Variants in ADH1C observed in about 807,000 individuals in gnomAD.
ADH1C encodes the protein alcohol dehydrogenase 1C (class I), gamma polypeptide, also known as alcohol dehydrogenase 1C.
ADH1C carries 26 observed loss-of-function variants against 35.0 expected under a neutral mutation model. The observed-to-expected ratio is 0.74, with a 90% CI of 0.54 to 1.03. The LOEUF (loss-of-function observed/expected upper bound fraction) is 1.03, where lower values mean the gene tolerates loss of function less well. Ranked by LOEUF, ADH1C falls within the 50% of genes least tolerant of loss-of-function variation. The pLI is 0.00. For synonymous variants in ADH1C, 170 were observed against 169.3 expected (o/e 1.00, Z -0.03); for missense variants, 413 against 465.4 (o/e 0.89, Z 1.04).
In ADH1C at chr4:99,350,693, T is replaced by C. The variant is rs572397721; in HGVS notation, c.18+1965A>G. Reference sequence around the variant, plus strand: ...TTTTTGCAATTGCAAATTGTGCTGCTGTAAACAATATGAATTACTTTTAAA... The same window carrying C: ...TTTTTGCAATTGCAAATTGTGCTGCCGTAAACAATATGAATTACTTTTAAA... On this transcript the variant is annotated intron_variant, in intron 1 of 8. Transcript: ENST00000515683. Among the ~76,000 whole-genome samples the C allele has an allele frequency of 2.4e-4, 37 of 152,366 alleles. 1 individual carries two copies. In the South Asian group the frequency reaches 7.5e-3, roughly 31 times the overall value.
chr4:99,342,859 A>G lies in ADH1C; in HGVS notation c.764T>C (p.Leu255Pro). 6.2e-7 allele frequency: 1 copy of G among 1,614,012 alleles called. No individual in the cohort carries two copies. The highest frequency in any genetic ancestry group is 8.5e-7 in the Non-Finnish European group (1 of 1,179,906). ...QDYKKPIQEV[L>P]KEMTDGGVDF... is the part of the protein sequence containing the mutation. ...CACACCTCCATCAGTCATTTCCTTT[A>G]GCACTTCCTGAATGGGTTTCTTGTA... The change falls in exon 6 of 9, where the codon CTA (leucine) becomes CCA (proline). Residue 255 changes from leucine (L) to proline (P), a missense_variant. By Grantham distance (98) the Leu-to-Pro change is moderately conservative. Coordinates refer to ENST00000515683, the MANE Select transcript of ADH1C (RefSeq NM_000669.5).
rs1339902491 is a variant in ADH1C at position 99,345,088 on chromosome 4, A to G, written c.348-7T>C. 2 of 1,614,086 alleles carry G rather than the reference A, an allele frequency of 1.2e-6. No homozygotes were observed. Among genetic ancestry groups the G allele is most frequent in the South Asian group, 2.2e-5 (2 of 91,092 alleles). On this transcript the variant is annotated splice_region_variant and splice_polypyrimidine_tract_variant and intron_variant, in intron 4 of 8. Coordinates refer to ENST00000515683, the MANE Select transcript of ADH1C (RefSeq NM_000669.5). Reference sequence around the variant, plus strand: ...CCCCCGAGGATTGCCTAGACTGGGCAGTGCAATACAAAGACACACAAAGGC... The same window carrying G: ...CCCCCGAGGATTGCCTAGACTGGGCGGTGCAATACAAAGACACACAAAGGC...
chr4:99,351,543 T>C (rs958480953), intron 1 of ADH1C, among the ~76,000 whole-genome samples: 4 of 152,258 alleles, frequency 2.6e-5, no homozygotes, highest in African/African-American at 4.8e-5. Flanking sequence ...AAATGGTAAA[T>C]TTAAATTTTC....
Position 99,336,613 on chromosome 4 carries a change from T to C in ADH1C, c.*139A>G. On this transcript the variant is annotated 3_prime_UTR_variant, in exon 9 of 9. Coordinates refer to ENST00000515683, the MANE Select transcript of ADH1C (RefSeq NM_000669.5). ...CAAATAATTTCCCATCAATTTCCAT[T>C]TCTTTGGAAAGCTCCCACGTGTAAT... is the stretch of plus-strand genomic sequence containing the variant. 2.8e-6 allele frequency: 3 copies of C among 1,060,824 alleles called. No individual in the cohort carries two copies. The highest frequency in any genetic ancestry group is 4.2e-6 in the Non-Finnish European group (3 of 721,178). 65.7% of individuals were successfully genotyped at this position (1,060,824 alleles called of 1,614,324 possible).
At chr4:99,348,771 C>T (rs1005405701) in intron 1 of ADH1C, among the ~76,000 whole-genome samples, 45 of 152,070 alleles carry the variant, frequency 3.0e-4, no homozygotes, top group Admixed American at 2.5e-3. Flanking sequence ...TATTTCTCCA[C>T]ATCCTCTCCA....
intron 8 of ADH1C, 31 bp downstream of exon 8, chr4:99,339,546 A>G (rs754751374): frequency 6.8e-7 from 1 of 1,477,560 alleles, no homozygotes. Context: ...GTAGAATACA[A>G]AGCAAAACAA....
Position 99,336,696 on chromosome 4 carries a change from A to C in ADH1C, c.*56T>G, listed in dbSNP as rs372063372. 118 of 1,588,908 alleles carry C rather than the reference A, an allele frequency of 7.4e-5. No individual in the cohort carries two copies. The African/African-American group carries it at 1.3e-3, about 17-fold the overall frequency. ...TGATATTTCCTAGCTGTTGCTCCAG[A>C]TCATGTAGGGTAGAGGAGGCTGAAA... On this transcript the variant is annotated 3_prime_UTR_variant, in exon 9 of 9. Transcript: ENST00000515683.
chr4:99,345,063 C>A lies in ADH1C; in HGVS notation c.366G>T (p.Gly122=). Residue 122 remains glycine (G), a synonymous_variant, in exon 5 of 9, where the codon GGG becomes GGT. Coordinates refer to ENST00000515683, the MANE Select transcript of ADH1C (RefSeq NM_000669.5). Reference sequence around the variant, plus strand: ...ACCTCCTGGTGCCATCCTGCAGGGTCCCCCGAGGATTGCCTAGACTGGGCA... The same window carrying A: ...ACCTCCTGGTGCCATCCTGCAGGGTACCCCGAGGATTGCCTAGACTGGGCA... The part of the protein sequence containing the change: ...CLKNDLGNPR[G]TLQDGTRRFT... The A allele has an allele frequency of 1.2e-6, 2 of 1,614,176 alleles. No individual in the cohort carries two copies. Among genetic ancestry groups the A allele is most frequent in the South Asian group, 1.1e-5 (1 of 91,078 alleles).
At chr4:99,345,675 G>A (rs1734515553) in intron 3 of ADH1C, among the ~76,000 whole-genome samples, 1 of 152,180 alleles carries the variant, frequency 6.6e-6, no homozygotes. Context: ...AGTCCTAGTA[G>A]ATGTTGGGAA....
chr4:99,340,859 G>T, intron 6 of ADH1C, 149 bp from the exon 7 acceptor site: 1 of 1,280,074 alleles, frequency 7.8e-7, no homozygotes, highest in Non-Finnish European at 1.1e-6. Flanking sequence ...CCCTTTCTTT[G>T]CATAGGATAA....
At chr4:99,352,565 T>C in intron 1 of ADH1C, 93 bp downstream of exon 1, 1 of 1,134,716 alleles carries the variant, frequency 8.8e-7, no homozygotes, top group Non-Finnish European at 1.3e-6. Context: ...GATATGAATT[T>C]TAAATTTTAA....
At chr4:99,348,013 T>A (rs1266661325) in intron 1 of ADH1C, among the ~76,000 whole-genome samples, 167 bp from the exon 2 acceptor site, 1 of 152,200 alleles carries the variant, frequency 6.6e-6, no homozygotes, top group African/African-American at 2.4e-5. Flanking sequence ...GAGTATCTTT[T>A]AAAAAAGCAA....
intron 8 of ADH1C, among the ~76,000 whole-genome samples, chr4:99,337,273 C>A (rs1274418292): frequency 6.6e-6 from 1 of 151,902 alleles, no homozygotes; most frequent in African/African-American, 2.4e-5. Flanking sequence ...GGTCGCACAT[C>A]TAGTATAGGG....
chr4:99,339,238 T>C (rs1480047797), intron 8 of ADH1C, among the ~76,000 whole-genome samples: 1 of 152,156 alleles, frequency 6.6e-6, no homozygotes, highest in Non-Finnish European at 1.5e-5. Flanking sequence ...AGTGATTCCA[T>C]GTTATAATTC....
rs1734280628 is a variant in ADH1C, at chr4:99,336,535, T to G, written c.*217A>C. On this transcript the variant is annotated 3_prime_UTR_variant, in exon 9 of 9. Coordinates refer to ENST00000515683, the MANE Select transcript of ADH1C (RefSeq NM_000669.5). ...AGGTTTATTGGCTTCAATTCCCCAG[T>G]TGATGTTCAACACTTTATTTAGTTC... is the stretch of plus-strand genomic sequence containing the variant. The G allele has an allele frequency of 9.8e-6, 6 of 614,838 alleles. No homozygotes were observed. Among genetic ancestry groups the G allele is most frequent in the Admixed American group, 9.3e-5 (3 of 32,186 alleles). The allele number at this position is 614,838 out of a possible 1,614,324, so 38.1% of individuals were successfully genotyped here. A position where few individuals can be genotyped will look rare whatever the true frequency, so the allele number is the denominator to read the frequency against.
In ADH1C at chr4:99,352,734, T is replaced by C. The variant is rs1734707932; in HGVS notation, c.-59A>G. The C allele has an allele frequency of 1.9e-6, 3 of 1,564,508 alleles. No individual in the cohort carries two copies. The highest frequency in any genetic ancestry group is 1.8e-6 in the Non-Finnish European group (2 of 1,135,888). On this transcript the variant is annotated 5_prime_UTR_variant, in exon 1 of 9. Coordinates refer to ENST00000515683, the MANE Select transcript of ADH1C (RefSeq NM_000669.5). ...GGTGAGTACTTGTGGATTTCTTCTC[T>C]GCTTGAGTGCATAAAGCAGGTATGT... is the stretch of plus-strand genomic sequence containing the variant.
intron 2 of ADH1C, 42 bp from the exon 3 acceptor site, chr4:99,347,186 T>A (rs1734555809): frequency 1.9e-6 from 3 of 1,597,066 alleles, no homozygotes; most frequent in Non-Finnish European, 2.6e-6. Flanking sequence ...GAAAAGATTA[T>A]GACTGTCAGA....
At chr4:99,351,486 A>T (rs929862330) in intron 1 of ADH1C, among the ~76,000 whole-genome samples, 10 of 152,236 alleles carry the variant, frequency 6.6e-5, no homozygotes, top group Non-Finnish European at 1.3e-4. Flanking sequence ...TGATTGGTTT[A>T]TACTTTTGCT....
intron 1 of ADH1C, among the ~76,000 whole-genome samples, chr4:99,348,754 G>A (rs1025421870): frequency 7.9e-5 from 12 of 151,896 alleles, no homozygotes; most frequent in Middle Eastern, 3.4e-3. Flanking sequence ...CAGTGTAAAA[G>A]CGTTCCTATT....
Sources: gnomAD v4.1 joint callset for allele counts (sites outside exome capture counted in the v4.1 genomes callset) on GRCh38, gnomAD v4.1.1 for gene constraint, MANE v1.5 for transcripts, NCBI Gene and HGNC (gene_info 2026-07-23, HGNC 2026-07-21) for gene names.